TMEM108: variants seen among roughly 807,000 people sequenced by gnomAD.
TMEM108 encodes the protein cancer/testis antigen 124.
Under a neutral mutation model 35.1 loss-of-function variants are expected in TMEM108, and 12 were observed. That is an observed-to-expected ratio of 0.34 (90% CI 0.22 to 0.55). TMEM108 has a LOEUF of 0.55. TMEM108 is among the 20% of genes least tolerant of loss of function. The pLI, the probability that TMEM108 is intolerant of heterozygous loss-of-function variation, is 0.89. For missense variants in TMEM108, 680 were observed against 753.3 expected (o/e 0.90, Z 1.14); for synonymous variants, 287 against 308.6 (o/e 0.93, Z 0.73).
chr3:133,249,896 A>G (rs1946443622), intron 3 of TMEM108, among the ~76,000 whole-genome samples: 1 of 152,190 alleles, frequency 6.6e-6, no homozygotes, highest in Admixed American at 6.5e-5. Flanking sequence ...TATAATAGAA[A>G]CATTTTTAAT....
chr3:133,309,457 G>T (rs551941334), intron 3 of TMEM108, among the ~76,000 whole-genome samples: 8 of 152,140 alleles, frequency 5.3e-5, no homozygotes, highest in African/African-American at 1.9e-4. Flanking sequence ...TGATGTTAGG[G>T]TGTCAATTTT....
At chr3:133,049,001 C>T (rs1011683712) in intron 2 of TMEM108, among the ~76,000 whole-genome samples, 1 of 152,054 alleles carries the variant, frequency 6.6e-6, no homozygotes, top group Non-Finnish European at 1.5e-5. Context: ...TGGGAGTGGG[C>T]GTAATAATCT....
chr3:133,240,496 C>G (rs1031892476), intron 3 of TMEM108, among the ~76,000 whole-genome samples: 1 of 152,136 alleles, frequency 6.6e-6, no homozygotes. Flanking sequence ...TAAGTACATT[C>G]CATTACACTG....
chr3:133,054,102 G>A (rs1943437219), intron 2 of TMEM108, among the ~76,000 whole-genome samples: 1 of 152,210 alleles, frequency 6.6e-6, no homozygotes. Flanking sequence ...GGGTAGAGCA[G>A]TGCTGGGGTA....
At chr3:133,071,278 G>T (rs1400082820) in intron 2 of TMEM108, among the ~76,000 whole-genome samples, 1 of 152,106 alleles carries the variant, frequency 6.6e-6, no homozygotes, top group Non-Finnish European at 1.5e-5. Context: ...CAGGGTGTCA[G>T]CAGGGTTGGT....
At chr3:133,347,531 G>GT (rs1235580804) in intron 3 of TMEM108, among the ~76,000 whole-genome samples, 1 of 151,874 alleles carries the variant, frequency 6.6e-6, no homozygotes, top group Admixed American at 6.6e-5. Context: ...TGTTGTTGTT[G>GT]TTTTTTGTCA....
chr3:133,057,082 C>T (rs1256979993), intron 2 of TMEM108, among the ~76,000 whole-genome samples: 1 of 152,108 alleles, frequency 6.6e-6, no homozygotes, highest in African/African-American at 2.4e-5. Context: ...ATGAATTAAA[C>T]CTGCCAGTGT....
chr3:133,203,387 T>G (rs1945700890), intron 2 of TMEM108, among the ~76,000 whole-genome samples: 1 of 152,246 alleles, frequency 6.6e-6, no homozygotes, highest in Admixed American at 6.5e-5. Context: ...TCAAAAGGAA[T>G]GCTTCCAGCT....
At chr3:133,286,437 G>C (rs1946986589) in intron 3 of TMEM108, among the ~76,000 whole-genome samples, 1 of 152,074 alleles carries the variant, frequency 6.6e-6, no homozygotes, top group Non-Finnish European at 1.5e-5. Context: ...GGGCCCAAGG[G>C]ACCCTCCCAC....
At chr3:133,082,701 G>T (rs1162449091) in intron 2 of TMEM108, among the ~76,000 whole-genome samples, 1 of 152,028 alleles carries the variant, frequency 6.6e-6, no homozygotes, top group Admixed American at 6.6e-5. Flanking sequence ...TGCCAGGCTG[G>T]AGTACAGTGG....
intron 3 of TMEM108, among the ~76,000 whole-genome samples, chr3:133,332,856 T>C (rs1272179044): frequency 2.0e-5 from 3 of 152,234 alleles, no homozygotes; most frequent in Non-Finnish European, 4.4e-5. Context: ...TTCAGGAAGA[T>C]AAATTGACAT....
chr3:133,281,446 G>A (rs1253591209), intron 3 of TMEM108, among the ~76,000 whole-genome samples: 1 of 152,228 alleles, frequency 6.6e-6, no homozygotes, highest in Admixed American at 6.5e-5. Flanking sequence ...GTTAACCTTT[G>A]TGGTAGACAC....
At chr3:133,325,643 G>A (rs890719522) in intron 3 of TMEM108, among the ~76,000 whole-genome samples, 1 of 151,686 alleles carries the variant, frequency 6.6e-6, no homozygotes, top group Admixed American at 6.6e-5. Flanking sequence ...GATCACTGGA[G>A]CCCAGGAGTT....
intron 4 of TMEM108, chr3:133,388,678 C>G (rs915090553): frequency 3.0e-6 from 3 of 985,318 alleles, no homozygotes; most frequent in African/African-American, 3.5e-5. Flanking sequence ...TAGAAACTTA[C>G]CCTATCTCCT....
At chr3:133,244,266 T>C (rs1032135151) in intron 3 of TMEM108, among the ~76,000 whole-genome samples, 6 of 152,246 alleles carry the variant, frequency 3.9e-5, no homozygotes, top group Non-Finnish European at 5.9e-5. Flanking sequence ...ATCATCATCA[T>C]GTGCTCCCCT....
chr3:133,260,914 A>G (rs1158744527), intron 3 of TMEM108, among the ~76,000 whole-genome samples: 2 of 152,222 alleles, frequency 1.3e-5, no homozygotes, highest in Non-Finnish European at 2.9e-5. Context: ...ATTGGATGAT[A>G]TAGAGTGAGA....
intron 3 of TMEM108, among the ~76,000 whole-genome samples, chr3:133,374,933 G>A (rs962033241): frequency 6.6e-6 from 1 of 152,136 alleles, no homozygotes; most frequent in Non-Finnish European, 1.5e-5. Context: ...AAGTAGTCGA[G>A]AGCATAGACT....
chr3:133,115,957 TG>T (rs2107729208), intron 2 of TMEM108, among the ~76,000 whole-genome samples: 1 of 152,168 alleles, frequency 6.6e-6, no homozygotes, highest in African/African-American at 2.4e-5. Context: ...TCAGTGGGGG[TG>T]GGGAGTTATT....
chr3:133,325,486 A>G (rs1012522074), intron 3 of TMEM108, among the ~76,000 whole-genome samples: 2 of 152,162 alleles, frequency 1.3e-5, no homozygotes, highest in Non-Finnish European at 2.9e-5. Context: ...AAAAGTCAAA[A>G]TAAAAATTAC....
Sources: gnomAD v4.1 joint callset for allele counts (sites outside exome capture counted in the v4.1 genomes callset) on GRCh38, gnomAD v4.1.1 for gene constraint, MANE v1.5 for transcripts, NCBI Gene and HGNC (gene_info 2026-07-23, HGNC 2026-07-21) for gene names.